ARSL: variants seen among roughly 807,000 people sequenced by gnomAD.
ARSL encodes arylsulfatase E (chondrodysplasia punctata 1).
Under a neutral mutation model 31.1 loss-of-function variants are expected in ARSL, and 4 were observed. The observed-to-expected ratio is 0.13, with a 90% CI of 0.06 to 0.29. The LOEUF is 0.29. Ranked by LOEUF, ARSL falls within the 10% of genes least tolerant of loss-of-function variation. The pLI, the probability that ARSL is intolerant of heterozygous loss-of-function variation, is 1.00. For missense variants in ARSL, 312 were observed against 497.8 expected, an observed-to-expected ratio of 0.63 and a Z score of 3.55; for synonymous variants, 198 against 209.9, an observed-to-expected ratio of 0.94 and a Z score of 0.49.
At position 2,953,046 on chromosome X, in the gene ARSL, C is replaced by T; in HGVS notation, c.430+97G>A. 21 of 1,048,138 alleles carry T rather than the reference C, an allele frequency of 2.0e-5. No homozygotes were observed. In the South Asian group the frequency reaches 4.0e-4, roughly 20 times the overall value. 86.4% of individuals were successfully genotyped at this position (1,048,138 alleles called of 1,213,427 possible). On this transcript the variant is annotated intron_variant, in intron 5 of 10. Transcript: ENST00000381134. ...TGCAGCTTTCTGTCTAGTGGGAAATCCCACAGCACCTCACCCACTTTCCTT... is the reference window on the plus strand; with the variant it reads ...TGCAGCTTTCTGTCTAGTGGGAAATTCCACAGCACCTCACCCACTTTCCTT...
intron 2 of ARSL, among the ~76,000 whole-genome samples, chrX:2,960,084 A>G (rs1261958388): frequency 9.8e-6 from 1 of 102,449 alleles, no homozygotes; most frequent in African/African-American, 3.6e-5. Context: ...CCTGGCTAAC[A>G]CGGTGAAACC....
rs748391784 is a variant in ARSL, at chrX:2,944,262, T to A, written c.992-1063A>T. On this transcript the variant is annotated intron_variant, in intron 7 of 10. Coordinates refer to ENST00000381134, the MANE Select transcript of ARSL (RefSeq NM_000047.3). ...CAAGGTCAGCAGTTCGAGACCAGCC[T>A]GGCCAACATGGTGAAACCCCATCTC... is the stretch of plus-strand genomic sequence containing the variant. 4.6e-5 allele frequency among the ~76,000 whole-genome samples: 5 copies of A among 109,124 alleles called. No homozygotes were observed. The South Asian group carries it at 1.6e-3, about 35-fold the overall frequency. 94.8% of individuals were successfully genotyped at this position (109,124 alleles called of 115,157 possible). A position where few individuals can be genotyped will look rare whatever the true frequency, so the allele number is the denominator to read the frequency against.
At chrX:2,942,355 G>C (rs1334367404) in intron 8 of ARSL, among the ~76,000 whole-genome samples, 1 of 111,059 alleles carries the variant, frequency 9.0e-6, no homozygotes, top group Non-Finnish European at 1.9e-5. Flanking sequence ...GCAGTGGCGC[G>C]ATCTCAGCTC....
In ARSL at chrX:2,934,792, A is replaced by C. The variant is rs200675470; in HGVS notation, c.*40T>G. 11 of 1,161,623 alleles carry C rather than the reference A, an allele frequency of 9.5e-6. No homozygotes were observed. Among genetic ancestry groups the C allele is most frequent in the Non-Finnish European group, 1.3e-5 (11 of 859,166 alleles). On this transcript the variant is annotated 3_prime_UTR_variant, in exon 11 of 11. Coordinates refer to ENST00000381134, the MANE Select transcript of ARSL (RefSeq NM_000047.3). ...CTGGTTTGTTTCAATTTGAGTGACA[A>C]AATTTAGGAATCGGGGCTCCAGCTT... is the stretch of plus-strand genomic sequence containing the variant.
chrX:2,968,079 A>G (rs764388880), upstream of ARSL: 407 of 1,125,933 alleles, frequency 3.6e-4, 2 homozygotes, highest in African/African-American at 6.4e-3. Flanking sequence ...GCATAAAAGA[A>G]TATCCCCTGG....
chrX:2,936,745 C>G lies in ARSL; in HGVS notation c.1408G>C (p.Asp470His), dbSNP rs61743737. The change falls in exon 10 of 11, where the codon GAC (aspartate) becomes CAC (histidine). Residue 470 changes from aspartate (D) to histidine (H), a missense_variant. Coordinates refer to ENST00000381134, the MANE Select transcript of ARSL (RefSeq NM_000047.3). ...FLHAARWHQR[D>H]RGTMWKVHFV... is the part of the protein sequence containing the mutation. ...AGGAAGGGGCTCCCCTACTCACTGTCCCGTTGATGCCACCTGGCTGCGTGC... is the reference window on the plus strand; with the variant it reads ...AGGAAGGGGCTCCCCTACTCACTGTGCCGTTGATGCCACCTGGCTGCGTGC... 306 of 1,209,550 alleles carry G rather than the reference C, an allele frequency of 2.5e-4. No individual in the cohort carries two copies. The African/African-American group carries it at 4.5e-3, about 18-fold the overall frequency.
At chrX:2,959,394 G>A (rs1294320447) in intron 2 of ARSL, among the ~76,000 whole-genome samples, 1 of 111,658 alleles carries the variant, frequency 9.0e-6, no homozygotes, top group Non-Finnish European at 1.9e-5. Flanking sequence ...TTTCCGCAGG[G>A]GTTGGTGACA....
chrX:2,965,541 GAAAAAAAATAAGC>G (rs1248264116), upstream of ARSL, among the ~76,000 whole-genome samples: 1 of 88,417 alleles, frequency 1.1e-5, no homozygotes, highest in Non-Finnish European at 2.4e-5. Flanking sequence ...AAGATAAAAA[GAAAAAAAATAAGC>G]AAAAAAAAAA....
At chrX:2,961,038 G>T (rs752771937) in intron 1 of ARSL, among the ~76,000 whole-genome samples, 1 of 111,392 alleles carries the variant, frequency 9.0e-6, no homozygotes, top group Non-Finnish European at 1.9e-5. Flanking sequence ...AACAGAACTG[G>T]GAGTGTCAGT....
intron 4 of ARSL, among the ~76,000 whole-genome samples, chrX:2,955,034 G>T (rs971488766): frequency 9.0e-6 from 1 of 111,568 alleles, no homozygotes; most frequent in Non-Finnish European, 1.9e-5. Flanking sequence ...TCTCATAAAA[G>T]TGATGGTTGG....
At chrX:2,938,350 T>C (rs1307506373) in intron 8 of ARSL, 93 bp from the exon 9 acceptor site, 11 of 1,103,188 alleles carry the variant, frequency 1.0e-5, no homozygotes, top group Non-Finnish European at 1.3e-5. Context: ...TTCACTTGTT[T>C]GAAGTTTCTC....
chrX:2,958,272 G>A lies in ARSL; in HGVS notation c.185+2C>T. 8.3e-7 allele frequency: 1 copy of A among 1,211,463 alleles called. No individual in the cohort carries two copies. Among genetic ancestry groups the A allele is most frequent in the Non-Finnish European group, 1.1e-6 (1 of 895,336 alleles). ...CCAGGTGAGTAATTCTCTGTCCCTT[G>A]CCTCATGGTGTTGTTGCCATAGCAG... On this transcript the variant is annotated splice_donor_variant, in intron 3 of 10. Coordinates refer to ENST00000381134, the MANE Select transcript of ARSL (RefSeq NM_000047.3). LOFTEE classifies it low-confidence loss of function (GC_TO_GT_DONOR).
intron 1 of ARSL, among the ~76,000 whole-genome samples, chrX:2,963,779 A>G (rs1167982471): frequency 9.4e-6 from 1 of 106,409 alleles, no homozygotes; most frequent in Non-Finnish European, 1.9e-5. Context: ...CCTGGGCTCA[A>G]GCAATCCACC....
At chrX:2,954,283 C>A (rs1449284817) in intron 4 of ARSL, among the ~76,000 whole-genome samples, 1 of 110,889 alleles carries the variant, frequency 9.0e-6, no homozygotes, top group Non-Finnish European at 1.9e-5. Context: ...AAATCTCTAC[C>A]CAAGGGTTTT....
At chrX:2,966,798 CAT>C (rs761302535), upstream of ARSL, among the ~76,000 whole-genome samples, 1,691 of 109,042 alleles carry the variant, frequency 0.016, 26 homozygotes, top group African/African-American at 0.054. Flanking sequence ...CATATAAATA[CAT>C]GTTATAATAT....
chrX:2,962,295 C>T (rs907630870), intron 1 of ARSL, among the ~76,000 whole-genome samples: 24 of 111,717 alleles, frequency 2.1e-4, no homozygotes, highest in Non-Finnish European at 4.3e-4. Context: ...CTACAGAGTT[C>T]GCTTCTTTTC....
intron 2 of ARSL, among the ~76,000 whole-genome samples, chrX:2,960,152 C>G (rs370140098): frequency 1.2e-5 from 1 of 84,651 alleles, no homozygotes; most frequent in Admixed American, 1.2e-4. Flanking sequence ...GCCTGTAGTC[C>G]CAGCTACTCG....
intron 8 of ARSL, among the ~76,000 whole-genome samples, chrX:2,942,079 C>A (rs1190449221): frequency 9.0e-6 from 1 of 111,713 alleles, no homozygotes; most frequent in African/African-American, 3.3e-5. Context: ...CGGGATGTCA[C>A]AAAAGCCCCC....
intron 1 of ARSL, among the ~76,000 whole-genome samples, chrX:2,963,768 T>G (rs2089671996): frequency 9.3e-6 from 1 of 107,075 alleles, no homozygotes; most frequent in Non-Finnish European, 1.9e-5. Context: ...GGTCTCAAAC[T>G]CCTGGGCTCA....
Sources: allele counts gnomAD v4.1 joint callset (sites outside exome capture counted in the v4.1 genomes callset), GRCh38; gene constraint gnomAD v4.1.1; transcripts MANE v1.5; gene names NCBI Gene and HGNC (gene_info 2026-07-23, HGNC 2026-07-21).